Variants in TENT5A observed in about 807,000 individuals in gnomAD.
TENT5A encodes HBV X-transactivated gene 11 protein.
Under a neutral mutation model 30.2 loss-of-function variants are expected in TENT5A, and 9 were observed. That is an observed-to-expected ratio of 0.30 (90% CI 0.18 to 0.52). The LOEUF (loss-of-function observed/expected upper bound fraction) is 0.52, where lower values mean the gene tolerates loss of function less well. TENT5A is among the 20% of genes least tolerant of loss of function. The probability of loss-of-function intolerance (pLI) is 0.97; values close to 1 mark genes in which losing one functional copy is unlikely to be tolerated. For missense variants in TENT5A, 411 were observed against 566.1 expected, an observed-to-expected ratio of 0.73 and a Z score of 2.78; for synonymous variants, 264 against 234.2, an observed-to-expected ratio of 1.13 and a Z score of -1.16.
In TENT5A at chr6:81,750,861, C is replaced by T. The variant is rs915050057; in HGVS notation, c.553-390G>A. On this transcript the variant is annotated intron_variant, in intron 2 of 2. Coordinates refer to ENST00000320172, the MANE Select transcript of TENT5A (RefSeq NM_017633.3). This position sits in a 1 kb window ranked among gnomAD's most constrained non-coding sequence, Gnocchi z 4.2. ...TTCAGCGGTAGGTTAGTCAGCCTCT[C>T]GCCCTTGTTCCAAGCCACCCAATTC... Among the ~76,000 whole-genome samples, 4 of 152,238 alleles carry T rather than the reference C, an allele frequency of 2.6e-5. No homozygotes were observed. The highest frequency in any genetic ancestry group is 7.2e-5 in the African/African-American group (3 of 41,462).
At position 81,748,275 on chromosome 6, in the gene TENT5A, A is replaced by T. The variant is rs1331747383; in HGVS notation, c.*1420T>A. ...AGATTAAACATCATAGAGGAATGCAATTTTTTTTTTAATAAATGGGTTCCA... is the reference window on the plus strand; with the variant it reads ...AGATTAAACATCATAGAGGAATGCATTTTTTTTTTTAATAAATGGGTTCCA... On this transcript the variant is annotated 3_prime_UTR_variant, in exon 3 of 3. Coordinates refer to ENST00000320172, the MANE Select transcript of TENT5A (RefSeq NM_017633.3). 2 of 923,474 alleles carry T rather than the reference A, an allele frequency of 2.2e-6. No individual in the cohort carries two copies. The highest frequency in any genetic ancestry group is 1.2e-4 in the East Asian group (1 of 8,442). 57.2% of individuals were successfully genotyped at this position (923,474 alleles called of 1,614,324 possible). A position where few individuals can be genotyped will look rare whatever the true frequency, so the allele number is the denominator to read the frequency against.
In TENT5A at chr6:81,750,356, C is replaced by A. The variant is rs199916778; in HGVS notation, c.668G>T (p.Arg223Leu). The A allele has an allele frequency of 3.1e-6, 5 of 1,613,660 alleles. No homozygotes were observed. The highest frequency in any genetic ancestry group is 1.3e-5 in the African/African-American group (1 of 75,016). The change falls in exon 3 of 3, where the codon CGG (arginine) becomes CTG (leucine). Residue 223 changes from arginine to leucine, a missense_variant. Physicochemically the swap from Arg to Leu is moderately radical, Grantham distance 102. Coordinates refer to ENST00000320172, the MANE Select transcript of TENT5A (RefSeq NM_017633.3). The surrounding 1 kb of genome is among the most constrained non-coding windows in gnomAD (Gnocchi z 4.2). The stretch of plus-strand genomic sequence containing the variant: ...ATCTACACTGAATTCAAACTGCCTC[C>A]GGAGGGAATCCACAAATTTCAGTTC... ...NVELKFVDSL[R>L]RQFEFSVDSF...
Position 81,750,195 on chromosome 6 carries a change from T to G in TENT5A, c.829A>C (p.Asn277His), listed in dbSNP as rs1025884934. The G allele has an allele frequency of 1.2e-6, 2 of 1,614,034 alleles. No individual in the cohort carries two copies. The highest frequency in any genetic ancestry group is 3.3e-5 in the Admixed American group (2 of 59,998). The change falls in exon 3 of 3, where the codon AAC (asparagine) becomes CAC (histidine). Residue 277 changes from asparagine (N) to histidine (H), a missense_variant. By Grantham distance (68) the Asn-to-His change is moderately conservative. Coordinates refer to ENST00000320172, the MANE Select transcript of TENT5A (RefSeq NM_017633.3). The surrounding 1 kb of genome is among the most constrained non-coding windows in gnomAD (Gnocchi z 4.2). ...GGGTTCCTGGTGGCAATGATCTTGT[T>G]ACAAAGGTGATCAAAGGCTTCCTGG... ...DFQEAFDHLC[N>H]KIIATRNPEE...
chr6:81,750,577 G>T lies in TENT5A; in HGVS notation c.553-106C>A. ...AGAATTATTTTGCTCTTTCCCTTTT[G>T]TTTTGTCAAGTTTCAGCCAAACACT... On this transcript the variant is annotated intron_variant, in intron 2 of 2. Transcript: ENST00000320172. The surrounding 1 kb of genome is among the most constrained non-coding windows in gnomAD (Gnocchi z 4.2). 1 of 731,888 alleles carries T rather than the reference G, an allele frequency of 1.4e-6. No individual in the cohort carries two copies. The highest frequency in any genetic ancestry group is 2.2e-5 in the South Asian group (1 of 44,606). The allele number at this position is 731,888 out of a possible 1,614,324, so 45.3% of individuals were successfully genotyped here. A position where few individuals can be genotyped will look rare whatever the true frequency, so the allele number is the denominator to read the frequency against.
rs1041492021 is a variant in TENT5A, at chr6:81,751,470, G to C, written c.552+120C>G. The C allele has an allele frequency of 6.6e-6, 6 of 904,316 alleles. No individual in the cohort carries two copies. In the Middle Eastern group the frequency reaches 8.0e-4, roughly 120 times the overall value. 56.0% of individuals were successfully genotyped at this position (904,316 alleles called of 1,614,324 possible). ...AAAAATCAAAAATCAAAGAAATAAC[G>C]CGCGCCCAAACTCGTGATGGCCACA... On this transcript the variant is annotated intron_variant, in intron 2 of 2. Transcript: ENST00000320172.
chr6:81,752,509 G>T lies in TENT5A; in HGVS notation c.-116C>A. On this transcript the variant is annotated 5_prime_UTR_variant, in exon 1 of 3. Coordinates refer to ENST00000320172, the MANE Select transcript of TENT5A (RefSeq NM_017633.3). ...GCGGCAACACTTCCAGGAGCTGCGA[G>T]CGCGCTCAGACAGCAAATAGCGACT... 6.9e-7 allele frequency: 1 copy of T among 1,458,428 alleles called. No individual in the cohort carries two copies. Among genetic ancestry groups the T allele is most frequent in the Non-Finnish European group, 9.4e-7 (1 of 1,063,232 alleles). 90.3% of individuals were successfully genotyped at this position (1,458,428 alleles called of 1,614,324 possible). A position where few individuals can be genotyped will look rare whatever the true frequency, so the allele number is the denominator to read the frequency against.
chr6:81,749,809 GT>G lies in TENT5A; in HGVS notation c.1214del (p.Tyr405SerfsTer7). 6.2e-7 allele frequency: 1 copy of G among 1,614,064 alleles called. No individual in the cohort carries two copies. Among genetic ancestry groups the G allele is most frequent in the Non-Finnish European group, 8.5e-7 (1 of 1,180,010 alleles). ...CATCTGCTACATAGGGGGCTGGCTGGTAATAGCAAGTGACATTAGCCACATT... is the reference window on the plus strand; with the variant it reads ...CATCTGCTACATAGGGGGCTGGCTGGAATAGCAAGTGACATTAGCCACATT... ...IPNVANVTCY[Y>X]QPAPYVADAN... On this transcript the variant is annotated frameshift_variant, in exon 3 of 3. Transcript: ENST00000320172. LOFTEE classifies it high-confidence loss of function.
chr6:81,752,414 A>G lies in TENT5A; in HGVS notation c.-38+17T>C. On this transcript the variant is annotated intron_variant, in intron 1 of 2. Coordinates refer to ENST00000320172, the MANE Select transcript of TENT5A (RefSeq NM_017633.3). ...GATGCATCTGGAAAGCGCAAGCGAG[A>G]GTCCCGTCTGTGTCACCTGGAGGCG... The G allele has an allele frequency of 1.9e-6, 3 of 1,550,006 alleles. No homozygotes were observed. The highest frequency in any genetic ancestry group is 2.6e-6 in the Non-Finnish European group (3 of 1,146,886).
chr6:81,748,400 G>GA lies in TENT5A; in HGVS notation c.*1294dup, dbSNP rs917667118. 280 of 865,794 alleles carry GA rather than the reference G, an allele frequency of 3.2e-4. No homozygotes were observed. Among genetic ancestry groups the GA allele is most frequent in the African/African-American group, 2.7e-3 (139 of 52,128 alleles). The allele number at this position is 865,794 out of a possible 1,614,324, so 53.6% of individuals were successfully genotyped here. ...GGCTCACCAAAGAAAAAAAAAAAAAGAAAAAAAAATCCCACTAAAACAGTA... is the reference window on the plus strand; with the variant it reads ...GGCTCACCAAAGAAAAAAAAAAAAAGAAAAAAAAAATCCCACTAAAACAGTA... On this transcript the variant is annotated 3_prime_UTR_variant, in exon 3 of 3. Coordinates refer to ENST00000320172, the MANE Select transcript of TENT5A (RefSeq NM_017633.3).
chr6:81,749,565 A>T lies in TENT5A; in HGVS notation c.*130T>A. On this transcript the variant is annotated 3_prime_UTR_variant, in exon 3 of 3. Transcript: ENST00000320172. Reference sequence around the variant, plus strand: ...CATAAGCTTTGCCAAACTTAAAACCAGGAGCATATCATCATTGCACAAAAC... The same window carrying T: ...CATAAGCTTTGCCAAACTTAAAACCTGGAGCATATCATCATTGCACAAAAC... 7.0e-7 allele frequency: 1 copy of T among 1,422,498 alleles called. No homozygotes were observed. The highest frequency in any genetic ancestry group is 9.2e-7 in the Non-Finnish European group (1 of 1,091,204). The allele number at this position is 1,422,498 out of a possible 1,614,324, so 88.1% of individuals were successfully genotyped here. A position where few individuals can be genotyped will look rare whatever the true frequency, so the allele number is the denominator to read the frequency against.
At position 81,749,853 on chromosome 6, in the gene TENT5A, C is replaced by T; in HGVS notation, c.1171G>A (p.Asp391Asn). ...ITMLAIRVLA[D>N]QNVIPNVANV... ...GCCACATTAGGAATGACATTTTGGT[C>T]AGCTAACACCCGGATAGCCAGCATG... Residue 391 changes from aspartate to asparagine, a missense_variant, in exon 3 of 3, where the codon GAC becomes AAC. This residue lies in a region of TENT5A where 75 missense variants were observed against 80.9 expected (regional missense o/e 0.93). Coordinates refer to ENST00000320172, the MANE Select transcript of TENT5A (RefSeq NM_017633.3). The T allele has an allele frequency of 2.5e-6, 4 of 1,614,104 alleles. No individual in the cohort carries two copies. The highest frequency in any genetic ancestry group is 3.4e-6 in the Non-Finnish European group (4 of 1,180,020).
intron 1 of TENT5A, 119 bp downstream of exon 1, chr6:81,752,312 G>A (rs1477388385): frequency 1.3e-6 from 2 of 1,534,470 alleles, no homozygotes; most frequent in African/African-American, 2.8e-5. Flanking sequence ...CCTCCTCGGA[G>A]ACTCCCTCCC....
chr6:81,748,005 G>A lies in TENT5A; in HGVS notation c.*1690C>T. On this transcript the variant is annotated 3_prime_UTR_variant, in exon 3 of 3. Transcript: ENST00000320172. ...AATGCAGTGTGACAACCAGATCAAAGATGTTTCATATTGACATGATTTATA... is the reference window on the plus strand; with the variant it reads ...AATGCAGTGTGACAACCAGATCAAAAATGTTTCATATTGACATGATTTATA... The A allele has an allele frequency of 1.0e-6, 1 of 981,256 alleles. No homozygotes were observed. Among genetic ancestry groups the A allele is most frequent in the Non-Finnish European group, 1.2e-6 (1 of 825,886 alleles). The allele number at this position is 981,256 out of a possible 1,614,324, so 60.8% of individuals were successfully genotyped here. A position where few individuals can be genotyped will look rare whatever the true frequency, so the allele number is the denominator to read the frequency against.
Position 81,750,070 on chromosome 6 carries a change from C to T in TENT5A, c.954G>A (p.Met318Ile). 6.2e-7 allele frequency: 1 copy of T among 1,614,230 alleles called. No individual in the cohort carries two copies. Among genetic ancestry groups the T allele is most frequent in the Non-Finnish European group, 8.5e-7 (1 of 1,180,040 alleles). Residue 318 changes from methionine (M) to isoleucine (I), a missense_variant, in exon 3 of 3, where the codon ATG becomes ATA. Transcript: ENST00000320172. The surrounding 1 kb of genome is among the most constrained non-coding windows in gnomAD (Gnocchi z 4.2). ...SDEIKTLQRY[M>I]CSRFFIDFSD... ...AGAAGTCGATGAAAAACCTGGAACA[C>T]ATATACCTTTGAAGGGTCTTGATTT...
In TENT5A at chr6:81,750,028, C is replaced by G; in HGVS notation, c.996G>C (p.Gln332His). Residue 332 changes from glutamine to histidine, a missense_variant, in exon 3 of 3, where the codon CAG becomes CAC. Coordinates refer to ENST00000320172, the MANE Select transcript of TENT5A (RefSeq NM_017633.3). The surrounding 1 kb of genome is among the most constrained non-coding windows in gnomAD (Gnocchi z 4.2). Reference protein sequence around the residue: ...FFIDFSDIGEQQRKLESYLQN... With the variant: ...FFIDFSDIGEHQRKLESYLQN... ...GCAAATAGGACTCCAGTTTTCTCTGCTGCTCTCCAATGTCTGAGAAGTCGA... is the reference window on the plus strand; with the variant it reads ...GCAAATAGGACTCCAGTTTTCTCTGGTGCTCTCCAATGTCTGAGAAGTCGA... 6.2e-7 allele frequency: 1 copy of G among 1,614,222 alleles called. No homozygotes were observed. The highest frequency in any genetic ancestry group is 8.5e-7 in the Non-Finnish European group (1 of 1,180,048).
Position 81,749,635 on chromosome 6 carries a change from T to TC in TENT5A, c.*59_*60insG. On this transcript the variant is annotated 3_prime_UTR_variant, in exon 3 of 3. Transcript: ENST00000320172. The stretch of plus-strand genomic sequence containing the variant: ...GATCACTCTTTTTTTTTTCTTTTTT[T>TC]TTTTTTTCTCTCCTGTCTTGTCTGA... 1 of 1,474,904 alleles carries TC rather than the reference T, an allele frequency of 6.8e-7. No homozygotes were observed. The highest frequency in any genetic ancestry group is 1.4e-5 in the African/African-American group (1 of 70,628). The allele number at this position is 1,474,904 out of a possible 1,614,324, so 91.4% of individuals were successfully genotyped here.
At position 81,747,231 on chromosome 6, in the gene TENT5A, G is replaced by A; in HGVS notation, c.*2464C>T. ...TCCTGTGTTCACAAGTGCTCCCCTA[G>A]TTTTCTTTCAGAAAACTTTGAAACA... On this transcript the variant is annotated 3_prime_UTR_variant, in exon 3 of 3. Coordinates refer to ENST00000320172, the MANE Select transcript of TENT5A (RefSeq NM_017633.3). 1 of 985,528 alleles carries A rather than the reference G, an allele frequency of 1.0e-6. No homozygotes were observed. The highest frequency in any genetic ancestry group is 1.2e-6 in the Non-Finnish European group (1 of 829,918). The allele number at this position is 985,528 out of a possible 1,614,324, so 61.0% of individuals were successfully genotyped here.
At position 81,750,186 on chromosome 6, in the gene TENT5A, T is replaced by C. The variant is rs1386926664; in HGVS notation, c.838A>G (p.Ile280Val). The C allele has an allele frequency of 1.2e-6, 2 of 1,614,158 alleles. No homozygotes were observed. The highest frequency in any genetic ancestry group is 1.7e-5 in the Admixed American group (1 of 60,016). The change falls in exon 3 of 3, where the codon ATT becomes GTT. Residue 280 changes from isoleucine (I) to valine (V), a missense_variant. Coordinates refer to ENST00000320172, the MANE Select transcript of TENT5A (RefSeq NM_017633.3). The surrounding 1 kb of genome is among the most constrained non-coding windows in gnomAD (Gnocchi z 4.2). ...ATTTCCTCTGGGTTCCTGGTGGCAA[T>C]GATCTTGTTACAAAGGTGATCAAAG... ...EAFDHLCNKI[I>V]ATRNPEEIRG... is the part of the protein sequence containing the mutation.
In TENT5A at chr6:81,746,409, C is replaced by G. The variant is rs1259839485; in HGVS notation, c.*3286G>C. 8.1e-6 allele frequency: 10 copies of G among 1,230,610 alleles called. No homozygotes were observed. Among genetic ancestry groups the G allele is most frequent in the Non-Finnish European group, 1.0e-5 (10 of 987,176 alleles). The allele number at this position is 1,230,610 out of a possible 1,614,324, so 76.2% of individuals were successfully genotyped here. A position where few individuals can be genotyped will look rare whatever the true frequency, so the allele number is the denominator to read the frequency against. On this transcript the variant is annotated 3_prime_UTR_variant, in exon 3 of 3. Coordinates refer to ENST00000320172, the MANE Select transcript of TENT5A (RefSeq NM_017633.3). ...AGGGGTGGTAAAAACAGTACGTTCA[C>G]TTTTCATTTCCTTCCTTGGTTTGGA...
Sources: gnomAD v4.1 joint callset for allele counts (sites outside exome capture counted in the v4.1 genomes callset) on GRCh38, gnomAD v4.1.1 for gene constraint, gnomAD v4.1.1 regional missense constraint, Gnocchi (gnomAD v3.1) non-coding constraint, MANE v1.5 for transcripts, NCBI Gene and HGNC (gene_info 2026-07-23, HGNC 2026-07-21) for gene names.